GPR137B: variants seen among roughly 807,000 people sequenced by gnomAD.
The protein encoded by GPR137B is G protein-coupled receptor 137B, also known as integral membrane protein GPR137B.
A neutral mutation model predicts 42.5 loss-of-function variants in GPR137B; 42 were observed. The observed-to-expected ratio is 0.99, with a 90% CI of 0.77 to 1.28. The LOEUF (loss-of-function observed/expected upper bound fraction) is 1.28, where lower values mean the gene tolerates loss of function less well. Ranked by LOEUF, GPR137B falls within the 50% of genes most tolerant of loss-of-function variation. The pLI, the probability that GPR137B is intolerant of heterozygous loss-of-function variation, is 0.00. For synonymous variants in GPR137B, 218 were observed against 209.7 expected (o/e 1.04, Z -0.34); for missense variants, 487 against 493.9 (o/e 0.99, Z 0.13).
rs1661978369 is a variant in GPR137B, at chr1:236,155,031, G to A, written c.414+11995G>A. ...AACAGTGATGGTAGGGCCTTGTGTG[G>A]CCACAGCCCTTGTCATTCCCAAGGC... On this transcript the variant is annotated intron_variant, in intron 1 of 6. Coordinates refer to ENST00000366592, the MANE Select transcript of GPR137B (RefSeq NM_003272.4). The surrounding 1 kb of genome is among the most constrained non-coding windows in gnomAD (Gnocchi z 4.6). Among the ~76,000 whole-genome samples, 2 of 152,340 alleles carry A rather than the reference G, an allele frequency of 1.3e-5. No homozygotes were observed. Among genetic ancestry groups the A allele is most frequent in the South Asian group, 2.1e-4 (1 of 4,828 alleles).
At chr1:236,147,884 AG>A (rs1446874131) in intron 1 of GPR137B, among the ~76,000 whole-genome samples, 4 of 152,062 alleles carry the variant, frequency 2.6e-5, no homozygotes, top group Non-Finnish European at 5.9e-5. Flanking sequence ...GAACATGGGG[AG>A]GCGGCTGTGG....
Position 236,179,935 on chromosome 1 carries a change from C to T in GPR137B, c.744C>T (p.Thr248=), listed in dbSNP as rs1312319044. 8 of 1,611,176 alleles carry T rather than the reference C, an allele frequency of 5.0e-6. No individual in the cohort carries two copies. The South Asian group carries it at 5.5e-5, about 11-fold the overall frequency. ...AIGVTVILLY[T]SRACYNLFIL... is the part of the protein sequence containing the mutation. ...GTGTCACCGTGATACTGCTTTACACCTCTCGGGCCTGCTACAACCTGTTCA... is the reference window on the plus strand; with the variant it reads ...GTGTCACCGTGATACTGCTTTACACTTCTCGGGCCTGCTACAACCTGTTCA... Residue 248 remains threonine, a synonymous_variant, in exon 4 of 7, where the codon ACC becomes ACT. Transcript: ENST00000366592.
At position 236,171,810 on chromosome 1, in the gene GPR137B, C is replaced by T. The variant is rs1031031385; in HGVS notation, c.464+3055C>T. 2.0e-5 allele frequency among the ~76,000 whole-genome samples: 3 copies of T among 151,826 alleles called. No homozygotes were observed. Among genetic ancestry groups the T allele is most frequent in the Non-Finnish European group, 2.9e-5 (2 of 67,956 alleles). On this transcript the variant is annotated intron_variant, in intron 2 of 6. Coordinates refer to ENST00000366592, the MANE Select transcript of GPR137B (RefSeq NM_003272.4). The surrounding 1 kb of genome is among the most constrained non-coding windows in gnomAD (Gnocchi z 4.4). ...CTGTAATCCCAGCACTTTGGGAGGC[C>T]GAGGCAGGCAGATCACCTGAGATCA...
At chr1:236,154,202 C>T (rs1661947972) in intron 1 of GPR137B, among the ~76,000 whole-genome samples, 1 of 152,162 alleles carries the variant, frequency 6.6e-6, no homozygotes, top group Non-Finnish European at 1.5e-5. Flanking sequence ...CCAGGTTAAG[C>T]TGGAATTTCT....
intron 6 of GPR137B, among the ~76,000 whole-genome samples, chr1:236,206,695 G>A (rs1048213484): frequency 6.6e-6 from 1 of 152,178 alleles, no homozygotes; most frequent in Non-Finnish European, 1.5e-5. Context: ...CCTCAGCATG[G>A]GCATGGTCTG....
At chr1:236,175,619 C>T (rs1434475865) in intron 2 of GPR137B, among the ~76,000 whole-genome samples, 3 of 152,122 alleles carry the variant, frequency 2.0e-5, no homozygotes, top group Admixed American at 1.3e-4. Context: ...AGCGGCCCTG[C>T]CTTTGTCTCT....
At chr1:236,149,990 T>G (rs1661800987) in intron 1 of GPR137B, among the ~76,000 whole-genome samples, 1 of 150,950 alleles carries the variant, frequency 6.6e-6, no homozygotes, top group Admixed American at 6.6e-5. Context: ...GTGTGGGGTT[T>G]GTGTATGTGT....
At chr1:236,143,339 G>T (rs1661588340) in intron 1 of GPR137B, among the ~76,000 whole-genome samples, 2 of 152,258 alleles carry the variant, frequency 1.3e-5, no homozygotes, top group South Asian at 4.1e-4. Flanking sequence ...CGTGCGCAGC[G>T]CGAAGCAGCA....
intron 3 of GPR137B, 102 bp downstream of exon 3, chr1:236,178,738 C>CCTTG: frequency 1.7e-6 from 1 of 577,128 alleles, no homozygotes; most frequent in East Asian, 3.6e-5. Context: ...CTTGATTTTG[C>CCTTG]CTTGACTTTC....
At chr1:236,164,440 G>A (rs1471778044) in intron 1 of GPR137B, among the ~76,000 whole-genome samples, 4 of 152,176 alleles carry the variant, frequency 2.6e-5, no homozygotes, top group East Asian at 1.9e-4. Flanking sequence ...CACAGGAGCC[G>A]TCGCCCCTCC....
At chr1:236,143,263 G>A (rs920770718) in intron 1 of GPR137B, among the ~76,000 whole-genome samples, 2 of 152,268 alleles carry the variant, frequency 1.3e-5, no homozygotes, top group African/African-American at 4.8e-5. Context: ...GCAGGGGAGG[G>A]CTGGAGGCCG....
At chr1:236,164,372 G>T (rs1214927411) in intron 1 of GPR137B, among the ~76,000 whole-genome samples, 1 of 152,186 alleles carries the variant, frequency 6.6e-6, no homozygotes, top group African/African-American at 2.4e-5. Flanking sequence ...CTGAGCAGGA[G>T]GTGCCCGTGC....
chr1:236,194,251 T>TTTGCCCCTGAAAAC (rs1344205550), intron 5 of GPR137B, among the ~76,000 whole-genome samples: 3 of 152,208 alleles, frequency 2.0e-5, no homozygotes, highest in African/African-American at 7.2e-5. Flanking sequence ...AGCATCTGTA[T>TTTGCCCCTGAAAAC]TTGCCCCTGA....
intron 5 of GPR137B, among the ~76,000 whole-genome samples, chr1:236,199,591 A>G (rs1663436742): frequency 6.7e-6 from 1 of 150,218 alleles, no homozygotes; most frequent in South Asian, 2.1e-4. Context: ...TTCAGTTTCT[A>G]TTTCTTCCTA....
chr1:236,156,239 G>A lies in GPR137B; in HGVS notation c.415-12467G>A, dbSNP rs1662024355. On this transcript the variant is annotated intron_variant, in intron 1 of 6. Coordinates refer to ENST00000366592, the MANE Select transcript of GPR137B (RefSeq NM_003272.4). The surrounding 1 kb of genome is among the most constrained non-coding windows in gnomAD (Gnocchi z 4.8). ...GGAGCAGGCAGGACCAGCTTCTTGG[G>A]CCACATGCTTGCCAAAGTCAAAGGT... 6.6e-6 allele frequency among the ~76,000 whole-genome samples: 1 copy of A among 152,212 alleles called. No individual in the cohort carries two copies. Among genetic ancestry groups the A allele is most frequent in the Non-Finnish European group, 1.5e-5 (1 of 68,034 alleles).
chr1:236,167,394 G>A (rs989676269), intron 1 of GPR137B, among the ~76,000 whole-genome samples: 2 of 152,206 alleles, frequency 1.3e-5, no homozygotes, highest in Non-Finnish European at 2.9e-5. Context: ...ACTACGCTAA[G>A]TGAAATAAGC....
intron 5 of GPR137B, among the ~76,000 whole-genome samples, chr1:236,191,822 G>A (rs549985326): frequency 2.6e-5 from 4 of 152,306 alleles, no homozygotes; most frequent in Admixed American, 6.5e-5. Context: ...CACTGAAGGC[G>A]GCAGTCTGAC....
chr1:236,152,029 A>G (rs1257044054), intron 1 of GPR137B, among the ~76,000 whole-genome samples: 1 of 152,092 alleles, frequency 6.6e-6, no homozygotes, highest in East Asian at 1.9e-4. Flanking sequence ...TCAGGCCCAC[A>G]CTCATTTTCT....
chr1:236,151,065 T>G (rs1372618130), intron 1 of GPR137B, among the ~76,000 whole-genome samples: 1 of 152,192 alleles, frequency 6.6e-6, no homozygotes, highest in Non-Finnish European at 1.5e-5. Flanking sequence ...AAGAGCCGCT[T>G]TTGTCAGGCT....
Sources: gnomAD v4.1 joint callset for allele counts (sites outside exome capture counted in the v4.1 genomes callset) on GRCh38, gnomAD v4.1.1 for gene constraint, Gnocchi (gnomAD v3.1) non-coding constraint, MANE v1.5 for transcripts, NCBI Gene and HGNC (gene_info 2026-07-23, HGNC 2026-07-21) for gene names.